CDH18: variants seen among roughly 807,000 people sequenced by gnomAD.
CDH18 encodes cadherin 18.
Under a neutral mutation model 67.9 loss-of-function variants are expected in CDH18, and 31 were observed. The ratio of observed to expected loss-of-function variants is 0.46; its 90% confidence interval spans 0.34 to 0.62. The LOEUF (loss-of-function observed/expected upper bound fraction) is 0.62, where lower values mean the gene tolerates loss of function less well. Among genes scored for constraint, CDH18 ranks in the 20% least tolerant of loss-of-function variants. The pLI is 0.01. For synonymous variants in CDH18, 362 were observed against 347.2 expected (o/e 1.04, Z -0.48); for missense variants, 890 against 975.5 (o/e 0.91, Z 1.17).
chr5:19,876,216 A>G lies in CDH18; in HGVS notation c.-256-36974T>C, dbSNP rs1339572418. Reference sequence around the variant, plus strand: ...ACCCATTTGTGAAGAAATCTTATTGACAAAGAAATAATGATCCTGGACAAT... The same window carrying G: ...ACCCATTTGTGAAGAAATCTTATTGGCAAAGAAATAATGATCCTGGACAAT... On this transcript the variant is annotated intron_variant, in intron 2 of 12. Coordinates refer to ENST00000382275, the MANE Select transcript of CDH18 (RefSeq NM_004934.5). 3.9e-5 allele frequency among the ~76,000 whole-genome samples: 6 copies of G among 152,160 alleles called. No individual in the cohort carries two copies. In the East Asian group the frequency reaches 1.2e-3, roughly 29 times the overall value.
intron 5 of CDH18, among the ~76,000 whole-genome samples, chr5:19,706,494 G>A (rs1232573369): frequency 1.3e-5 from 2 of 152,170 alleles, no homozygotes; most frequent in Non-Finnish European, 2.9e-5. Flanking sequence ...TTGAGGATTG[G>A]AACCTAATTC....
At chr5:19,676,362 A>G (rs1358659637) in intron 5 of CDH18, among the ~76,000 whole-genome samples, 1 of 152,074 alleles carries the variant, frequency 6.6e-6, no homozygotes, top group African/African-American at 2.4e-5. Context: ...GAGATACTAT[A>G]TAAGATGACT....
At chr5:20,320,371 T>A (rs1210823170) in intron 1 of CDH18, among the ~76,000 whole-genome samples, 1 of 152,050 alleles carries the variant, frequency 6.6e-6, no homozygotes, top group Non-Finnish European at 1.5e-5. Context: ...AAAGAACCAC[T>A]GAGGTGGGTC....
chr5:19,753,483 G>T (rs1181626756), intron 3 of CDH18, among the ~76,000 whole-genome samples: 1 of 152,046 alleles, frequency 6.6e-6, no homozygotes, highest in Non-Finnish European at 1.5e-5. Context: ...ACAGAAGAAA[G>T]AATAAGAAAA....
At chr5:20,417,757 T>C (rs1417196442) in intron 1 of CDH18, among the ~76,000 whole-genome samples, 3 of 152,142 alleles carry the variant, frequency 2.0e-5, no homozygotes, top group Non-Finnish European at 4.4e-5. Flanking sequence ...TTCCTGCAGA[T>C]GAGAAAGAAT....
chr5:20,148,810 C>T (rs546009295), intron 2 of CDH18, among the ~76,000 whole-genome samples: 1 of 152,108 alleles, frequency 6.6e-6, no homozygotes, highest in Non-Finnish European at 1.5e-5. Context: ...GACAAAAGCT[C>T]TGTCACATAA....
chr5:19,894,726 C>T (rs1789122457), intron 2 of CDH18, among the ~76,000 whole-genome samples: 1 of 152,066 alleles, frequency 6.6e-6, no homozygotes, highest in Admixed American at 6.6e-5. Flanking sequence ...GCTGTTTGTA[C>T]AAGCATTTGG....
intron 1 of CDH18, among the ~76,000 whole-genome samples, chr5:20,433,611 C>T (rs968667157): frequency 6.6e-6 from 1 of 151,948 alleles, no homozygotes; most frequent in African/African-American, 2.4e-5. Context: ...GAGAGTTGAG[C>T]ACCTCAGGAT....
Position 19,554,086 on chromosome 5 carries a change from A to G in CDH18, c.1254-10081T>C, listed in dbSNP as rs143881032. ...ATAATCTTTCTAAAAAAAAGAAGGT[A>G]TAATTTCTCACATAAAGTGAGTATT... On this transcript the variant is annotated intron_variant, in intron 8 of 12. Coordinates refer to ENST00000382275, the MANE Select transcript of CDH18 (RefSeq NM_004934.5). 3.4e-3 allele frequency among the ~76,000 whole-genome samples: 521 copies of G among 152,326 alleles called. 2 individuals carry two copies. Among genetic ancestry groups the G allele is most frequent in the Non-Finnish European group, 5.0e-3 (337 of 68,034 alleles).
intron 1 of CDH18, among the ~76,000 whole-genome samples, chr5:20,537,647 C>CA (rs1464055499): frequency 6.6e-6 from 1 of 152,008 alleles, no homozygotes; most frequent in African/African-American, 2.4e-5. Context: ...ATAAAAAACT[C>CA]AAAGTCTTAC....
chr5:20,279,963 G>A (rs757484860), intron 1 of CDH18, among the ~76,000 whole-genome samples: 6 of 151,704 alleles, frequency 4.0e-5, no homozygotes, highest in East Asian at 3.9e-4. Flanking sequence ...TATAGTCCAC[G>A]TTAGCACACA....
At chr5:20,224,490 G>A (rs1245074782) in intron 2 of CDH18, among the ~76,000 whole-genome samples, 1 of 148,794 alleles carries the variant, frequency 6.7e-6, no homozygotes, top group African/African-American at 2.5e-5. Flanking sequence ...CAATGAGACA[G>A]CTTGGATTTT....
At position 19,598,578 on chromosome 5, in the gene CDH18, C is replaced by T. The variant is rs1423887157; in HGVS notation, c.812-7334G>A. ...AACACTCCCCATTTGCTGATACAAACTATATTGAAAACAAAACAAATAAAA... is the reference window on the plus strand; with the variant it reads ...AACACTCCCCATTTGCTGATACAAATTATATTGAAAACAAAACAAATAAAA... On this transcript the variant is annotated intron_variant, in intron 6 of 12. Coordinates refer to ENST00000382275, the MANE Select transcript of CDH18 (RefSeq NM_004934.5). Among the ~76,000 whole-genome samples the T allele has an allele frequency of 3.9e-5, 6 of 152,086 alleles. No homozygotes were observed. In the East Asian group the frequency reaches 9.6e-4, roughly 24 times the overall value.
At chr5:20,055,635 G>C (rs938106794) in intron 2 of CDH18, among the ~76,000 whole-genome samples, 1 of 152,184 alleles carries the variant, frequency 6.6e-6, no homozygotes, top group Non-Finnish European at 1.5e-5. Context: ...TGGCTTTCAG[G>C]AAACTCTGCT....
At chr5:20,419,506 C>T (rs1156427264) in intron 1 of CDH18, among the ~76,000 whole-genome samples, 4 of 120,912 alleles carry the variant, frequency 3.3e-5, no homozygotes, top group Admixed American at 9.1e-5. Context: ...GATGGAGTCT[C>T]GCTCTGTCGC....
At chr5:20,516,986 T>A (rs1226369061) in intron 1 of CDH18, among the ~76,000 whole-genome samples, 4 of 151,990 alleles carry the variant, frequency 2.6e-5, no homozygotes, top group African/African-American at 9.7e-5. Context: ...AGAAATGCAA[T>A]GAAAATCTAT....
intron 2 of CDH18, among the ~76,000 whole-genome samples, chr5:19,950,231 G>A (rs192177281): frequency 9.9e-5 from 15 of 152,104 alleles, no homozygotes; most frequent in Admixed American, 3.9e-4. Context: ...CAACCTGGAT[G>A]GAGTTAGAAA....
At chr5:20,559,335 T>C (rs1156874570) in intron 1 of CDH18, among the ~76,000 whole-genome samples, 1 of 152,036 alleles carries the variant, frequency 6.6e-6, no homozygotes, top group Non-Finnish European at 1.5e-5. Context: ...AAATGTCTCA[T>C]GTAAGCAGGT....
At chr5:20,231,178 T>G (rs773989278) in intron 2 of CDH18, among the ~76,000 whole-genome samples, 2 of 152,234 alleles carry the variant, frequency 1.3e-5, no homozygotes, top group South Asian at 2.1e-4. Flanking sequence ...TGATAAATTT[T>G]ATAGCTTTGC....
Sources: gnomAD v4.1 joint callset for allele counts (sites outside exome capture counted in the v4.1 genomes callset) on GRCh38, gnomAD v4.1.1 for gene constraint, MANE v1.5 for transcripts, NCBI Gene and HGNC (gene_info 2026-07-23, HGNC 2026-07-21) for gene names.